The following GABBR2 variants were observed in gnomAD, a reference collection of about 807,000 sequenced individuals.
The protein encoded by GABBR2 is G-protein coupled receptor 51.
In GABBR2, 23 loss-of-function variants were observed where a neutral mutation model predicts 105.6. The observed-to-expected ratio is 0.22, with a 90% CI of 0.16 to 0.31. GABBR2 has a LOEUF of 0.31. Ranked by LOEUF, GABBR2 falls within the 10% of genes least tolerant of loss-of-function variation. The pLI, the probability that GABBR2 is intolerant of heterozygous loss-of-function variation, is 1.00. For missense variants in GABBR2, 734 were observed against 1,245.5 expected, an observed-to-expected ratio of 0.59 and a Z score of 6.18; for synonymous variants, 478 against 499.7, an observed-to-expected ratio of 0.96 and a Z score of 0.58.
intron 7 of GABBR2, among the ~76,000 whole-genome samples, chr9:98,414,008 T>A (rs144522589): frequency 6.6e-6 from 1 of 152,242 alleles, no homozygotes; most frequent in African/African-American, 2.4e-5. Context: ...GCAAGTCCTG[T>A]TGGGCACCTA....
intron 13 of GABBR2, among the ~76,000 whole-genome samples, chr9:98,341,756 C>T (rs1364215376): frequency 2.0e-5 from 3 of 152,162 alleles, no homozygotes; most frequent in Non-Finnish European, 4.4e-5. Flanking sequence ...CAACATCCTT[C>T]GTAGTAGATG....
intron 2 of GABBR2, among the ~76,000 whole-genome samples, chr9:98,572,849 C>T (rs1186821861): frequency 6.6e-6 from 1 of 152,174 alleles, no homozygotes; most frequent in Non-Finnish European, 1.5e-5. Flanking sequence ...TGAGTACCCT[C>T]CAGTTCCAAG....
chr9:98,367,240 T>G (rs1331443220), intron 12 of GABBR2, among the ~76,000 whole-genome samples: 3 of 142,044 alleles, frequency 2.1e-5, no homozygotes, highest in Non-Finnish European at 4.5e-5. Flanking sequence ...AAAAACTGCA[T>G]TGAAAAAAAG....
intron 17 of GABBR2, among the ~76,000 whole-genome samples, chr9:98,297,560 C>T (rs1203149071): frequency 6.6e-6 from 1 of 151,500 alleles, no homozygotes; most frequent in Non-Finnish European, 1.5e-5. Flanking sequence ...TTGCAGTGAG[C>T]CGAGATCGTG....
intron 3 of GABBR2, among the ~76,000 whole-genome samples, chr9:98,520,531 A>G (rs1827847352): frequency 6.6e-6 from 1 of 152,200 alleles, no homozygotes; most frequent in Admixed American, 6.5e-5. Flanking sequence ...CAGGCAGCCA[A>G]GCAGTGATGG....
chr9:98,380,235 G>A (rs1374222417), intron 11 of GABBR2, among the ~76,000 whole-genome samples: 2 of 152,180 alleles, frequency 1.3e-5, no homozygotes, highest in Non-Finnish European at 2.9e-5. Flanking sequence ...GCACAGGCTC[G>A]GGAGTTAACA....
intron 3 of GABBR2, among the ~76,000 whole-genome samples, chr9:98,529,360 C>T (rs531056107): frequency 4.6e-5 from 7 of 152,216 alleles, no homozygotes; most frequent in East Asian, 1.9e-4. Context: ...TTAGGAGTCA[C>T]GGTGACGGAG....
At chr9:98,534,963 T>C (rs1828141192) in intron 3 of GABBR2, among the ~76,000 whole-genome samples, 1 of 152,112 alleles carries the variant, frequency 6.6e-6, no homozygotes, top group Non-Finnish European at 1.5e-5. Flanking sequence ...TGCAAAAAAA[T>C]GAGAAGCCAC....
At chr9:98,555,279 C>A (rs1249646658) in intron 2 of GABBR2, among the ~76,000 whole-genome samples, 1 of 152,198 alleles carries the variant, frequency 6.6e-6, no homozygotes, top group African/African-American at 2.4e-5. Flanking sequence ...GATGAGAAGC[C>A]TCAGCGAAGG....
chr9:98,698,282 G>A (rs1371239456), intron 1 of GABBR2, among the ~76,000 whole-genome samples: 3 of 152,030 alleles, frequency 2.0e-5, no homozygotes, highest in Non-Finnish European at 4.4e-5. Flanking sequence ...ATGAGTCCAC[G>A]CACTCAATAC....
chr9:98,645,208 C>A (rs1169819614), intron 1 of GABBR2, among the ~76,000 whole-genome samples: 1 of 152,202 alleles, frequency 6.6e-6, no homozygotes, highest in Non-Finnish European at 1.5e-5. Context: ...CTCAGGCAAG[C>A]AGGCAAAGTG....
chr9:98,701,040 G>T (rs936930802), intron 1 of GABBR2, among the ~76,000 whole-genome samples: 8 of 152,182 alleles, frequency 5.3e-5, no homozygotes, highest in African/African-American at 1.9e-4. Flanking sequence ...ACTAACAAAA[G>T]ACATATATCC....
chr9:98,674,350 C>G (rs184557273), intron 1 of GABBR2, among the ~76,000 whole-genome samples: 1 of 152,270 alleles, frequency 6.6e-6, no homozygotes, highest in Admixed American at 6.5e-5. Context: ...ATCACGAAAG[C>G]CAGGAATGCC....
chr9:98,535,257 C>T (rs1242229324), intron 3 of GABBR2, among the ~76,000 whole-genome samples: 1 of 151,980 alleles, frequency 6.6e-6, no homozygotes, highest in Non-Finnish European at 1.5e-5. Flanking sequence ...GCTACCATGC[C>T]CAGTTAATTT....
chr9:98,397,636 T>C (rs923188003), intron 8 of GABBR2, among the ~76,000 whole-genome samples: 1 of 152,232 alleles, frequency 6.6e-6, no homozygotes, highest in Non-Finnish European at 1.5e-5. Flanking sequence ...CTTCCTGCCA[T>C]CTGTTCCTCA....
intron 2 of GABBR2, among the ~76,000 whole-genome samples, chr9:98,543,734 C>A (rs1167120980): frequency 6.6e-6 from 1 of 152,160 alleles, no homozygotes; most frequent in Non-Finnish European, 1.5e-5. Context: ...TCTAATTTGA[C>A]TAGTAGTCTT....
At chr9:98,362,629 C>A in intron 13 of GABBR2, 86 bp downstream of exon 13, 1 of 1,088,284 alleles carries the variant, frequency 9.2e-7, no homozygotes, top group South Asian at 3.2e-5. Context: ...GGGTACTGGG[C>A]AGTCTGGGAG....
At position 98,388,775 on chromosome 9, in the gene GABBR2, C is replaced by T; in HGVS notation, c.1529+79G>A. ...ACTTCTGTGTCCCTGGGGAATCTGT[C>T]ATGTGGCACTCCTATACTGTGTCCA... On this transcript the variant is annotated intron_variant, in intron 10 of 18. Coordinates refer to ENST00000259455, the MANE Select transcript of GABBR2 (RefSeq NM_005458.8). This position sits in a 1 kb window ranked among gnomAD's most constrained non-coding sequence, Gnocchi z 4.4. 1 of 1,151,300 alleles carries T rather than the reference C, an allele frequency of 8.7e-7. No individual in the cohort carries two copies. Among genetic ancestry groups the T allele is most frequent in the South Asian group, 1.7e-5 (1 of 59,708 alleles). 71.3% of individuals were successfully genotyped at this position (1,151,300 alleles called of 1,614,324 possible).
chr9:98,426,089 G>T (rs1208078718), intron 7 of GABBR2, among the ~76,000 whole-genome samples: 1 of 152,214 alleles, frequency 6.6e-6, no homozygotes, highest in Non-Finnish European at 1.5e-5. Flanking sequence ...TGGCACATGA[G>T]GGGTGGGGAG....
Sources: gnomAD v4.1 joint callset for allele counts (sites outside exome capture counted in the v4.1 genomes callset) on GRCh38, gnomAD v4.1.1 for gene constraint, Gnocchi (gnomAD v3.1) non-coding constraint, MANE v1.5 for transcripts, NCBI Gene and HGNC (gene_info 2026-07-23, HGNC 2026-07-21) for gene names.